DMD: variants seen among roughly 807,000 people sequenced by gnomAD.
DMD encodes mutant dystrophin.
A neutral mutation model predicts 330.1 loss-of-function variants in DMD; 63 were observed. The ratio of observed to expected loss-of-function variants is 0.19; its 90% CI spans 0.16 to 0.24. DMD has a LOEUF of 0.24. Ranked by LOEUF, DMD falls within the 10% of genes least tolerant of loss-of-function variation. The pLI is 1.00. For synonymous variants in DMD, 1,223 were observed against 959.8 expected (o/e 1.27, Z -5.07); for missense variants, 3,344 against 2,684.1 (o/e 1.25, Z -5.43).
In DMD at chrX:31,341,882, T is replaced by C. The variant is rs5927727; in HGVS notation, c.9163+6674A>G. 9.3e-3 allele frequency among the ~76,000 whole-genome samples: 767 copies of C among 82,692 alleles called. 6 individuals are homozygous for C. Among genetic ancestry groups the C allele is most frequent in the African/African-American group, 0.036 (700 of 19,338 alleles). 71.8% of individuals were successfully genotyped at this position (82,692 alleles called of 115,157 possible). On this transcript the variant is annotated intron_variant, in intron 61 of 78. Transcript: ENST00000357033. The stretch of plus-strand genomic sequence containing the variant: ...CTGTGATCTGGCGTGCGCGCGTGCG[T>C]GCGCGCGCGCACACACACACACACA...
chrX:32,804,042 T>C (rs903965254), intron 7 of DMD, among the ~76,000 whole-genome samples: 6 of 111,429 alleles, frequency 5.4e-5, no homozygotes, highest in Non-Finnish European at 7.5e-5. Context: ...CTGTCTAATA[T>C]TGACAGTGGG....
chrX:32,258,661 CAG>C (rs2097309265), intron 43 of DMD, among the ~76,000 whole-genome samples: 1 of 108,903 alleles, frequency 9.2e-6, no homozygotes. Context: ...CGGGGCCTCT[CAG>C]GGGATGGGGG....
At chrX:32,113,100 T>C (rs2096595860) in intron 44 of DMD, among the ~76,000 whole-genome samples, 1 of 112,653 alleles carries the variant, frequency 8.9e-6, no homozygotes, top group Non-Finnish European at 1.9e-5. Context: ...TAAACGCATA[T>C]AAATAAATGT....
In DMD at chrX:32,485,010, G is replaced by A. The variant is rs1267801118; in HGVS notation, c.2712C>T (p.Pro904=). 2 of 1,209,300 alleles carry A rather than the reference G, an allele frequency of 1.7e-6. No individual in the cohort carries two copies. Among genetic ancestry groups the A allele is most frequent in the Non-Finnish European group, 2.2e-6 (2 of 894,684 alleles). The change falls in exon 21 of 79, where the codon CCC becomes CCT. Residue 904 remains proline (P), a synonymous_variant. Transcript: ENST00000357033. ...CCACAAAGTCTGCATCCAGGAACATGGGTCCTTGTCCTTTCTCTTTCAGGG... is the reference window on the plus strand; with the variant it reads ...CCACAAAGTCTGCATCCAGGAACATAGGTCCTTGTCCTTTCTCTTTCAGGG... ...SIALKEKGQG[P]MFLDADFVAF...
At chrX:32,466,046 T>G (rs763274780) in intron 23 of DMD, among the ~76,000 whole-genome samples, 1 of 111,472 alleles carries the variant, frequency 9.0e-6, no homozygotes, top group African/African-American at 3.3e-5. Context: ...AATCATATTA[T>G]TTCCCTCTTT....
At chrX:31,865,468 T>A (rs1194456156) in intron 48 of DMD, among the ~76,000 whole-genome samples, 1 of 112,312 alleles carries the variant, frequency 8.9e-6, no homozygotes, top group African/African-American at 3.2e-5. Context: ...AAATTTTTTT[T>A]AAAAATGAAA....
In DMD at chrX:33,119,528, T is replaced by C. The variant is rs1252251308; in HGVS notation, c.31+91754A>G. Among the ~76,000 whole-genome samples, 3 of 112,311 alleles carry C rather than the reference T, an allele frequency of 2.7e-5. No homozygotes were observed. In the East Asian group the frequency reaches 8.4e-4, roughly 31 times the overall value. On this transcript the variant is annotated intron_variant, in intron 1 of 78. Transcript: ENST00000357033. ...AGTTAGAGGATGGATGAGGAGAGCA[T>C]TCCAGGAAGAGGCAATAGCAGTACA... is the stretch of plus-strand genomic sequence containing the variant.
intron 45 of DMD, among the ~76,000 whole-genome samples, chrX:31,953,195 T>A (rs1443584762): frequency 8.9e-6 from 1 of 112,658 alleles, no homozygotes; most frequent in Non-Finnish European, 1.9e-5. Flanking sequence ...GCTGGTTAAA[T>A]TAAATTTCTG....
At chrX:32,052,427 A>G (rs140472990) in intron 44 of DMD, among the ~76,000 whole-genome samples, 1,703 of 111,408 alleles carry the variant, frequency 0.015, 21 homozygotes, top group Non-Finnish European at 0.023. Flanking sequence ...TTCAAAATTG[A>G]TTGTGCTCTC....
At chrX:32,979,374 G>A (rs1487477430) in intron 2 of DMD, among the ~76,000 whole-genome samples, 3 of 111,740 alleles carry the variant, frequency 2.7e-5, no homozygotes. Flanking sequence ...TTCATACTAG[G>A]TAATACAAAT....
At chrX:32,688,972 C>A (rs2063080042) in intron 9 of DMD, among the ~76,000 whole-genome samples, 1 of 110,659 alleles carries the variant, frequency 9.0e-6, no homozygotes, top group Non-Finnish European at 1.9e-5. Flanking sequence ...GCATCAATTT[C>A]CTAACCTATT....
At chrX:32,331,585 C>A (rs761549353) in intron 41 of DMD, among the ~76,000 whole-genome samples, 2 of 110,815 alleles carry the variant, frequency 1.8e-5, no homozygotes, top group East Asian at 5.7e-4. Flanking sequence ...TATGTTTTTT[C>A]TTATGTTTAT....
At chrX:31,401,049 G>A (rs73468350) in intron 60 of DMD, among the ~76,000 whole-genome samples, 1 of 111,405 alleles carries the variant, frequency 9.0e-6, no homozygotes, top group Non-Finnish European at 1.9e-5. Context: ...ACTCAAACTG[G>A]GTTTGAATGA....
At chrX:32,528,905 CTT>C (rs35476358) in intron 17 of DMD, among the ~76,000 whole-genome samples, 952 of 59,823 alleles carry the variant, frequency 0.016, 13 homozygotes, top group African/African-American at 0.053. Flanking sequence ...CAATGTATTT[CTT>C]TTTTTTTTTT....
intron 17 of DMD, among the ~76,000 whole-genome samples, chrX:32,532,747 T>C (rs2047600226): frequency 8.9e-6 from 1 of 112,494 alleles, no homozygotes; most frequent in South Asian, 3.7e-4. Flanking sequence ...TAGTCATATT[T>C]GTTTTAGTGT....
chrX:32,896,781 T>A (rs2085763228), intron 2 of DMD, among the ~76,000 whole-genome samples: 1 of 112,622 alleles, frequency 8.9e-6, no homozygotes, highest in Non-Finnish European at 1.9e-5. Flanking sequence ...AAAAGTGTCT[T>A]TGCCACATTA....
intron 9 of DMD, among the ~76,000 whole-genome samples, chrX:32,670,410 A>T: frequency 8.9e-6 from 1 of 112,106 alleles, no homozygotes; most frequent in East Asian, 2.8e-4. Flanking sequence ...CTTAGAAATC[A>T]TAGGTTTAGG....
chrX:31,337,762 G>C (rs948595305), intron 61 of DMD, among the ~76,000 whole-genome samples: 2 of 111,877 alleles, frequency 1.8e-5, no homozygotes, highest in Admixed American at 1.9e-4. Flanking sequence ...CTTGGCCCTA[G>C]CTCCTCATGA....
chrX:32,617,348 G>A (rs995971451), intron 11 of DMD, among the ~76,000 whole-genome samples: 7 of 111,518 alleles, frequency 6.3e-5, no homozygotes, highest in Admixed American at 1.9e-4. Context: ...AACCAAGACA[G>A]CATTGTATTA....
Sources: gnomAD v4.1 joint callset for allele counts (sites outside exome capture counted in the v4.1 genomes callset) on GRCh38, gnomAD v4.1.1 for gene constraint, MANE v1.5 for transcripts, NCBI Gene and HGNC (gene_info 2026-07-23, HGNC 2026-07-21) for gene names.